The following NIPAL3 variants were observed in gnomAD, a reference collection of about 807,000 sequenced individuals.
The protein encoded by NIPAL3 is NIPA-like protein 3.
NIPAL3 carries 41 observed loss-of-function variants against 47.2 expected under a neutral mutation model. The ratio of observed to expected loss-of-function variants is 0.87; its 90% CI spans 0.68 to 1.13. NIPAL3 has a LOEUF of 1.13. Ranked by LOEUF, NIPAL3 falls within the 50% of genes most tolerant of loss-of-function variation. The pLI is 0.00. For missense variants in NIPAL3, 449 were observed against 530.1 expected (o/e 0.85, Z 1.50); for synonymous variants, 194 against 209.6 (o/e 0.93, Z 0.64).
upstream of NIPAL3, chr1:24,414,060 T>C (rs1244333192): frequency 6.6e-6 from 1 of 152,212 alleles, no homozygotes; most frequent in African/African-American, 2.4e-5. Context: ...TCTTTTTTTT[T>C]TGAGACAGAG....
At chr1:24,463,081 G>C (rs1354138019) in intron 10 of NIPAL3, among the ~76,000 whole-genome samples, 2 of 152,124 alleles carry the variant, frequency 1.3e-5, no homozygotes, top group African/African-American at 4.8e-5. Flanking sequence ...CCCAGGTACT[G>C]GGGGGCTGAG....
At chr1:24,414,069 A>G (rs1643898647), upstream of NIPAL3, 1 of 151,964 alleles carries the variant, frequency 6.6e-6, no homozygotes, top group Admixed American at 6.6e-5. Flanking sequence ...TTTGAGACAG[A>G]GTCTCGCTTT....
chr1:24,453,814 G>A (rs941094580), intron 7 of NIPAL3, among the ~76,000 whole-genome samples: 13 of 152,176 alleles, frequency 8.5e-5, no homozygotes, highest in Admixed American at 7.9e-4. Flanking sequence ...GATGAGGTGA[G>A]TTAGTTTGTT....
intron 2 of NIPAL3, among the ~76,000 whole-genome samples, chr1:24,426,791 C>T (rs1481816665): frequency 6.6e-6 from 1 of 152,188 alleles, no homozygotes; most frequent in Non-Finnish European, 1.5e-5. Flanking sequence ...GTCAATTCTA[C>T]TCTGCCTTGT....
chr1:24,453,127 C>T (rs530075486), intron 6 of NIPAL3, among the ~76,000 whole-genome samples: 17 of 152,124 alleles, frequency 1.1e-4, no homozygotes, highest in African/African-American at 4.1e-4. Flanking sequence ...GCATCTTGGC[C>T]CTCCAAGAAA....
chr1:24,433,512 C>T (rs567604673), intron 2 of NIPAL3, among the ~76,000 whole-genome samples: 44 of 152,184 alleles, frequency 2.9e-4, no homozygotes, highest in South Asian at 4.1e-4. Context: ...CTGCCTTTGC[C>T]ACATAATATT....
Position 24,469,125 on chromosome 1 carries a change from C to T in NIPAL3, c.1161C>T (p.His387=), listed in dbSNP as rs568845903. ...PATLPVMQEE[H]GSRSASGVPY... ...CCCTGCCAGTCATGCAAGAAGAGCA[C>T]GGCTCCAGAAGTGCCTCTGGGGTCC... is the stretch of plus-strand genomic sequence containing the variant. Residue 387 remains histidine (H), a synonymous_variant, in exon 12 of 12, where the codon CAC becomes CAT. Coordinates refer to ENST00000374399, the MANE Select transcript of NIPAL3 (RefSeq NM_020448.5). 13 of 1,613,990 alleles carry T rather than the reference C, an allele frequency of 8.1e-6. No individual in the cohort carries two copies. Among genetic ancestry groups the T allele is most frequent in the African/African-American group, 1.3e-5 (1 of 74,908 alleles).
upstream of NIPAL3, chr1:24,414,491 C>T (rs1371798077): frequency 2.6e-5 from 4 of 151,646 alleles, no homozygotes; most frequent in African/African-American, 9.7e-5. Context: ...TGCTTAAAGT[C>T]CTCCAATGGC....
chr1:24,425,429 C>T (rs867023837), intron 2 of NIPAL3, among the ~76,000 whole-genome samples: 2 of 151,990 alleles, frequency 1.3e-5, no homozygotes, highest in South Asian at 4.2e-4. Context: ...TTGAACACCC[C>T]AATATAAATC....
intron 2 of NIPAL3, among the ~76,000 whole-genome samples, chr1:24,428,261 AG>A (rs1450480232): frequency 3.8e-5 from 2 of 52,672 alleles, no homozygotes; most frequent in East Asian, 5.4e-4. Flanking sequence ...AAAAAGAAAG[AG>A]AGAGAGAGAG....
intron 2 of NIPAL3, among the ~76,000 whole-genome samples, chr1:24,437,325 G>A (rs1172392322): frequency 1.3e-5 from 2 of 152,118 alleles, no homozygotes; most frequent in Non-Finnish European, 2.9e-5. Flanking sequence ...TAGTTCTGTG[G>A]TAAGGTTTTA....
chr1:24,467,724 T>C (rs567067630), intron 11 of NIPAL3, among the ~76,000 whole-genome samples: 7 of 152,292 alleles, frequency 4.6e-5, no homozygotes, highest in African/African-American at 1.4e-4. Context: ...GTTGTTACTG[T>C]TACTATTTAA....
intron 3 of NIPAL3, among the ~76,000 whole-genome samples, chr1:24,441,770 C>G (rs561979034): frequency 6.9e-4 from 105 of 152,236 alleles, no homozygotes; most frequent in Middle Eastern, 3.4e-3. Context: ...TCAGGCTCAT[C>G]CACACCTCTC....
intron 10 of NIPAL3, among the ~76,000 whole-genome samples, chr1:24,462,667 T>C (rs1333830149): frequency 6.6e-6 from 1 of 152,048 alleles, no homozygotes; most frequent in African/African-American, 2.4e-5. Flanking sequence ...CTCGGGAGGC[T>C]GAGGCAGTAT....
At chr1:24,435,617 G>T (rs978822050) in intron 2 of NIPAL3, among the ~76,000 whole-genome samples, 1 of 152,112 alleles carries the variant, frequency 6.6e-6, no homozygotes. Flanking sequence ...TGATGCTATT[G>T]TCACAAAATA....
chr1:24,433,347 T>C (rs995726226), intron 2 of NIPAL3: 3 of 152,280 alleles, frequency 2.0e-5, no homozygotes, highest in Non-Finnish European at 4.4e-5. Flanking sequence ...GGTTGCCTTC[T>C]GCAGTCCTCT....
intron 5 of NIPAL3, among the ~76,000 whole-genome samples, chr1:24,446,069 CGTGTGTGTGTGTGT>C (rs58016013): frequency 6.8e-6 from 1 of 147,734 alleles, no homozygotes. Context: ...AGATTATAGT[CGTGTGTGTGTGTGT>C]GTGTGTGTGT....
intron 2 of NIPAL3, among the ~76,000 whole-genome samples, chr1:24,420,603 T>C (rs1644284655): frequency 6.6e-6 from 1 of 152,240 alleles, no homozygotes. Context: ...CTCCTTGTTT[T>C]TTTCTAGTAT....
In NIPAL3 at chr1:24,468,167, TAGCC is replaced by T. The variant is rs1159908447; in HGVS notation, c.1022-816_1022-813del. Among the ~76,000 whole-genome samples, 4 of 151,606 alleles carry T rather than the reference TAGCC, an allele frequency of 2.6e-5. No individual in the cohort carries two copies. The East Asian group carries it at 7.8e-4, about 29-fold the overall frequency. ...CCCCTCAAAAAAACCCACAAAAAAT[TAGCC>T]AGGCATGGTGGCATGCACCTGTAGT... is the stretch of plus-strand genomic sequence containing the variant. On this transcript the variant is annotated intron_variant, in intron 11 of 11. Coordinates refer to ENST00000374399, the MANE Select transcript of NIPAL3 (RefSeq NM_020448.5).
Sources: gnomAD v4.1 joint callset for allele counts (sites outside exome capture counted in the v4.1 genomes callset) on GRCh38, gnomAD v4.1.1 for gene constraint, MANE v1.5 for transcripts, NCBI Gene and HGNC (gene_info 2026-07-23, HGNC 2026-07-21) for gene names.